Variants in DNAH5 observed in about 807,000 individuals in gnomAD.
The protein encoded by DNAH5 is axonemal beta dynein heavy chain 5.
In DNAH5, 372 loss-of-function variants were observed where a neutral mutation model predicts 518.2. That is an observed-to-expected ratio of 0.72 (90% CI 0.66 to 0.78). The LOEUF is 0.78. Among genes scored for constraint, DNAH5 ranks in the 30% least tolerant of loss-of-function variants. The probability of loss-of-function intolerance (pLI) is 0.00; values close to 1 mark genes in which losing one functional copy is unlikely to be tolerated. For synonymous variants in DNAH5, 2,039 were observed against 2,025.9 expected (o/e 1.01, Z -0.17); for missense variants, 5,523 against 5,687.0 (o/e 0.97, Z 0.93).
intron 31 of DNAH5, among the ~76,000 whole-genome samples, chr5:13,846,897 AC>A (rs759766231): frequency 3.9e-5 from 6 of 152,022 alleles, no homozygotes; most frequent in Non-Finnish European, 5.9e-5. Context: ...AAAAAACTAA[AC>A]TTTTCTCAGT....
At chr5:13,847,875 G>C (rs895314) in intron 31 of DNAH5, among the ~76,000 whole-genome samples, 1 of 152,016 alleles carries the variant, frequency 6.6e-6, no homozygotes, top group African/African-American at 2.4e-5. Flanking sequence ...ACAGTTCCTC[G>C]GCAAGTGTTT....
chr5:13,744,663 G>C (rs1299355560), intron 65 of DNAH5, among the ~76,000 whole-genome samples: 2 of 151,934 alleles, frequency 1.3e-5, no homozygotes, highest in Middle Eastern at 3.2e-3. Context: ...AGGGTGGTTT[G>C]GTAAAATTTC....
intron 1 of DNAH5, among the ~76,000 whole-genome samples, chr5:13,952,273 C>T (rs985750715): frequency 3.7e-4 from 56 of 152,306 alleles, no homozygotes; most frequent in Non-Finnish European, 6.8e-4. Context: ...AAATGAGATG[C>T]ATTGATTTGA....
chr5:13,802,656 G>A (rs948852829), intron 47 of DNAH5, among the ~76,000 whole-genome samples: 9 of 152,194 alleles, frequency 5.9e-5, no homozygotes, highest in African/African-American at 1.9e-4. Context: ...GGTATTGGAA[G>A]GATCATGTGC....
At chr5:13,855,884 T>G (rs927437035) in intron 30 of DNAH5, among the ~76,000 whole-genome samples, 9 of 152,124 alleles carry the variant, frequency 5.9e-5, no homozygotes, top group Admixed American at 5.9e-4. Context: ...AACAACCAGC[T>G]CCTGAATGCC....
chr5:13,960,730 G>C (rs1218293348), intron 1 of DNAH5, among the ~76,000 whole-genome samples: 3 of 152,110 alleles, frequency 2.0e-5, no homozygotes, highest in African/African-American at 7.2e-5. Context: ...ACCTCCCTGG[G>C]AGTCCCTCAG....
chr5:13,917,250 G>A lies in DNAH5; in HGVS notation c.982C>T (p.Arg328Trp), dbSNP rs577433265. The change falls in exon 8 of 79, where the codon CGG becomes TGG. Residue 328 changes from arginine to tryptophan, a missense_variant. Coordinates refer to ENST00000265104, the MANE Select transcript of DNAH5 (RefSeq NM_001369.3). ...TCAGTGATTCGAATATCCATCTCCC[G>A]CCAAGTCTAAGCACAATAGGGAAAA... ...AAKSKLLKTW[R>W]EMDIRITDAT... The A allele has an allele frequency of 5.8e-5, 94 of 1,612,432 alleles. No homozygotes were observed. Among genetic ancestry groups the A allele is most frequent in the Admixed American group, 8.3e-5 (5 of 59,976 alleles).
At chr5:13,938,639 C>A (rs1270459379) in intron 1 of DNAH5, among the ~76,000 whole-genome samples, 1 of 151,944 alleles carries the variant, frequency 6.6e-6, no homozygotes, top group Non-Finnish European at 1.5e-5. Flanking sequence ...TGGTTTCTGG[C>A]ATTCAGTGGG....
At chr5:13,788,940 T>C (rs1445950607) in intron 50 of DNAH5, 26 bp from the exon 51 acceptor site, 2 of 1,602,900 alleles carry the variant, frequency 1.2e-6, no homozygotes, top group East Asian at 2.2e-5. Flanking sequence ...TTAAAATGTG[T>C]TAGTAATTCC....
intron 60 of DNAH5, among the ~76,000 whole-genome samples, chr5:13,760,011 T>C (rs952253329): frequency 1.3e-5 from 2 of 152,216 alleles, no homozygotes; most frequent in Non-Finnish European, 2.9e-5. Flanking sequence ...AAGCATCGCT[T>C]GTAAGTTACA....
intron 43 of DNAH5, among the ~76,000 whole-genome samples, chr5:13,812,152 C>T (rs1310162754): frequency 6.6e-6 from 1 of 152,148 alleles, no homozygotes; most frequent in Admixed American, 6.5e-5. Context: ...CCTACATGTT[C>T]AGCTACTACA....
intron 5 of DNAH5, among the ~76,000 whole-genome samples, chr5:13,921,758 A>C (rs73059197): frequency 0.098 from 5,876 of 60,064 alleles, 321 homozygotes; most frequent in East Asian, 0.28. Flanking sequence ...ACACCCCCCC[A>C]CACACACACA....
intron 75 of DNAH5, among the ~76,000 whole-genome samples, chr5:13,708,613 C>T (rs951349796): frequency 2.0e-5 from 3 of 152,190 alleles, no homozygotes; most frequent in African/African-American, 7.2e-5. Flanking sequence ...ATGCAGTCTT[C>T]CAAACAGCAA....
intron 54 of DNAH5, among the ~76,000 whole-genome samples, 186 bp downstream of exon 54, chr5:13,777,016 C>G (rs1227503833): frequency 1.3e-5 from 2 of 152,098 alleles, no homozygotes; most frequent in Admixed American, 1.3e-4. Context: ...CAATGCTTAG[C>G]TCCAAATTTT....
rs1358293206 is a variant in DNAH5 at position 13,920,486 on chromosome 5, T to G, written c.792A>C (p.Thr264=). ...EDCMKVWIKQ[T]EQVLAENNQL... ...TTTGGTTTCTCAAAATTACCTGTTC[T>G]GTCTGTTTGATCCATACTTTCATGC... Residue 264 remains threonine (T), a synonymous_variant, in exon 6 of 79, where the codon ACA becomes ACC. Coordinates refer to ENST00000265104, the MANE Select transcript of DNAH5 (RefSeq NM_001369.3). 1 of 1,614,208 alleles carries G rather than the reference T, an allele frequency of 6.2e-7. No homozygotes were observed. Among genetic ancestry groups the G allele is most frequent in the Non-Finnish European group, 8.5e-7 (1 of 1,180,020 alleles).
At chr5:13,793,487 T>G in intron 49 of DNAH5, 28 bp downstream of exon 49, 1 of 1,580,856 alleles carries the variant, frequency 6.3e-7, no homozygotes, top group South Asian at 1.1e-5. Flanking sequence ...TTCCTCACCC[T>G]CCCACCCCAC....
At chr5:13,880,104 G>A (rs1275860411) in intron 21 of DNAH5, among the ~76,000 whole-genome samples, 1 of 152,182 alleles carries the variant, frequency 6.6e-6, no homozygotes, top group Non-Finnish European at 1.5e-5. Flanking sequence ...ACTATCAGTA[G>A]ATTTCTTAGC....
At chr5:13,953,697 T>C (rs168132) in intron 1 of DNAH5, among the ~76,000 whole-genome samples, 140,922 of 152,192 alleles carry the variant, frequency 0.93, 65,341 homozygotes, top group Non-Finnish European at 0.94. Flanking sequence ...GGGATGCTTC[T>C]TGTTTTGTTT....
intron 1 of DNAH5, among the ~76,000 whole-genome samples, chr5:14,011,386 G>C (rs1373356165): frequency 1.3e-5 from 2 of 152,190 alleles, no homozygotes; most frequent in African/African-American, 4.8e-5. Flanking sequence ...TTGCATTTCG[G>C]GGTGCCCTGG....
Sources: allele counts gnomAD v4.1 joint callset (sites outside exome capture counted in the v4.1 genomes callset), GRCh38; gene constraint gnomAD v4.1.1; transcripts MANE v1.5; gene names NCBI Gene and HGNC (gene_info 2026-07-23, HGNC 2026-07-21).